DLGAP2: variants seen among roughly 807,000 people sequenced by gnomAD.
The protein encoded by DLGAP2 is DLG associated protein 2.
DLGAP2 carries 26 observed loss-of-function variants against 100.3 expected under a neutral mutation model. The ratio of observed to expected loss-of-function variants is 0.26; its 90% CI spans 0.19 to 0.36. The LOEUF (loss-of-function observed/expected upper bound fraction) is 0.36. DLGAP2 is among the 10% of genes least tolerant of loss of function. The pLI, the probability that DLGAP2 is intolerant of heterozygous loss-of-function variation, is 1.00. For synonymous variants in DLGAP2, 886 were observed against 630.1 expected, an observed-to-expected ratio of 1.41 and a Z score of -6.08; for missense variants, 1,858 against 1,453.2, an observed-to-expected ratio of 1.28 and a Z score of -4.53.
At chr8:1,157,859 C>T (rs993024983) in intron 2 of DLGAP2, among the ~76,000 whole-genome samples, 3 of 152,184 alleles carry the variant, frequency 2.0e-5, no homozygotes, top group Non-Finnish European at 2.9e-5. Flanking sequence ...ATGTCCCAGG[C>T]GCTATCTCAG....
chr8:1,436,050 G>C (rs946240895), intron 3 of DLGAP2, among the ~76,000 whole-genome samples: 1 of 152,152 alleles, frequency 6.6e-6, no homozygotes, highest in Non-Finnish European at 1.5e-5. Context: ...GTGTGTATGA[G>C]TCTGGGTTCT....
intron 3 of DLGAP2, among the ~76,000 whole-genome samples, chr8:1,363,819 A>G (rs1308536375): frequency 6.6e-6 from 1 of 152,138 alleles, no homozygotes. Context: ...GGTGTGACAG[A>G]GCCCGGCTGC....
At chr8:1,214,947 C>G (rs905025567) in intron 2 of DLGAP2, among the ~76,000 whole-genome samples, 27 of 152,180 alleles carry the variant, frequency 1.8e-4, no homozygotes, top group African/African-American at 5.3e-4. Context: ...CTAGAACATG[C>G]GTTTAAAAAT....
chr8:950,423 C>T (rs557735402), intron 2 of DLGAP2, among the ~76,000 whole-genome samples: 2 of 152,082 alleles, frequency 1.3e-5, no homozygotes, highest in African/African-American at 4.8e-5. Flanking sequence ...CAAGCGCTTC[C>T]TGCGGGTCAC....
intron 1 of DLGAP2, among the ~76,000 whole-genome samples, chr8:876,861 G>T (rs1563074902): frequency 6.6e-6 from 1 of 152,026 alleles, no homozygotes; most frequent in Non-Finnish European, 1.5e-5. Context: ...GAACATCTAT[G>T]GATCTGTTTT....
intron 1 of DLGAP2, chr8:883,472 C>A (rs1797852728): frequency 6.6e-6 from 1 of 151,962 alleles, no homozygotes; most frequent in Non-Finnish European, 1.5e-5. Flanking sequence ...GCTTTTATTA[C>A]TTGATATGCA....
chr8:1,060,602 T>C (rs1309648063), intron 2 of DLGAP2, among the ~76,000 whole-genome samples: 1 of 152,174 alleles, frequency 6.6e-6, no homozygotes, highest in Non-Finnish European at 1.5e-5. Flanking sequence ...GGTCCTTAAT[T>C]AATCACATCC....
At chr8:1,437,192 G>A (rs1240294487) in intron 3 of DLGAP2, among the ~76,000 whole-genome samples, 5 of 150,068 alleles carry the variant, frequency 3.3e-5, no homozygotes, top group African/African-American at 9.8e-5. Context: ...CCGGGTCTGC[G>A]TTCAGCCCAG....
In DLGAP2 at chr8:1,112,068, C is replaced by T. The variant is rs530058955; in HGVS notation, c.74-146783C>T. The stretch of plus-strand genomic sequence containing the variant: ...TTTTTCTCCACAACCTCACCAGCAT[C>T]CGTTATTTTTTGACTTTTTAATGAT... On this transcript the variant is annotated intron_variant, in intron 2 of 14. Coordinates refer to ENST00000637795, the MANE Select transcript of DLGAP2 (RefSeq NM_001346810.2). Among the ~76,000 whole-genome samples, 24 of 152,098 alleles carry T rather than the reference C, an allele frequency of 1.6e-4. No individual in the cohort carries two copies. In the South Asian group the frequency reaches 4.8e-3, roughly 30 times the overall value.
intron 1 of DLGAP2, among the ~76,000 whole-genome samples, chr8:776,964 A>G (rs974842784): frequency 6.6e-6 from 1 of 152,292 alleles, no homozygotes; most frequent in Admixed American, 6.5e-5. Flanking sequence ...AAAATCTCCC[A>G]TTATTAATAT....
At chr8:1,368,143 ATG>A (rs896641448) in intron 3 of DLGAP2, among the ~76,000 whole-genome samples, 7 of 151,968 alleles carry the variant, frequency 4.6e-5, no homozygotes, top group African/African-American at 1.5e-4. Context: ...ATGCATGTGT[ATG>A]TATTTGTAGT....
intron 6 of DLGAP2, among the ~76,000 whole-genome samples, chr8:1,604,093 G>A (rs1316968836): frequency 1.3e-5 from 2 of 152,110 alleles, no homozygotes; most frequent in East Asian, 3.9e-4. Context: ...AAGTGAACAG[G>A]CACAAAGATG....
chr8:1,482,609 G>T (rs1229364778), intron 3 of DLGAP2, among the ~76,000 whole-genome samples: 4 of 152,248 alleles, frequency 2.6e-5, no homozygotes, highest in Non-Finnish European at 4.4e-5. Flanking sequence ...CCACGGGGTG[G>T]GCGGCTTGCT....
chr8:903,194 G>C (rs1798298678), intron 1 of DLGAP2, among the ~76,000 whole-genome samples: 1 of 152,040 alleles, frequency 6.6e-6, no homozygotes, highest in Non-Finnish European at 1.5e-5. Flanking sequence ...GCTTTCTGGA[G>C]GCAGTCACAG....
chr8:1,423,380 G>A (rs910485694), intron 3 of DLGAP2, among the ~76,000 whole-genome samples: 16 of 152,124 alleles, frequency 1.1e-4, no homozygotes, highest in African/African-American at 3.6e-4. Context: ...CTGTCTCTGG[G>A]AGGGGTCTGG....
chr8:862,872 T>G (rs562133433), intron 1 of DLGAP2, among the ~76,000 whole-genome samples: 5 of 152,272 alleles, frequency 3.3e-5, no homozygotes, highest in African/African-American at 1.2e-4. Flanking sequence ...TGTTTTATAT[T>G]TTACTTATTA....
At chr8:1,276,104 AAT>A (rs201279631) in intron 3 of DLGAP2, among the ~76,000 whole-genome samples, 1 of 143,950 alleles carries the variant, frequency 6.9e-6, no homozygotes, top group African/African-American at 2.5e-5. Flanking sequence ...ATAATATATA[AAT>A]ATATATATAA....
chr8:1,159,887 G>A (rs1796857097), intron 2 of DLGAP2, among the ~76,000 whole-genome samples: 1 of 152,204 alleles, frequency 6.6e-6, no homozygotes, highest in Non-Finnish European at 1.5e-5. Flanking sequence ...CCCTGAAGGA[G>A]GCATGGACAC....
At chr8:1,597,487 T>A (rs1233353187) in intron 6 of DLGAP2, among the ~76,000 whole-genome samples, 3 of 152,248 alleles carry the variant, frequency 2.0e-5, no homozygotes, top group African/African-American at 7.2e-5. Context: ...ATATTGGTTC[T>A]TCCTATCCAT....
Sources: allele counts gnomAD v4.1 joint callset (sites outside exome capture counted in the v4.1 genomes callset), GRCh38; gene constraint gnomAD v4.1.1; transcripts MANE v1.5; gene names NCBI Gene and HGNC (gene_info 2026-07-23, HGNC 2026-07-21).